NRG1: variants seen among roughly 807,000 people sequenced by gnomAD.
NRG1 encodes pro-neuregulin-1, membrane-bound isoform.
In NRG1, 18 loss-of-function variants were observed where a neutral mutation model predicts 63.8. The ratio of observed to expected loss-of-function variants is 0.28; its 90% CI spans 0.19 to 0.42. The LOEUF is 0.42. Among genes scored for constraint, NRG1 ranks in the 10% least tolerant of loss-of-function variants. The probability of loss-of-function intolerance (pLI) is 1.00; values close to 1 mark genes in which losing one functional copy is unlikely to be tolerated. For synonymous variants in NRG1, 302 were observed against 301.3 expected, an observed-to-expected ratio of 1.00 and a Z score of -0.02; for missense variants, 762 against 814.7, an observed-to-expected ratio of 0.94 and a Z score of 0.79.
At chr8:32,630,188 G>A (rs1452935720) in intron 5 of NRG1, among the ~76,000 whole-genome samples, 1 of 152,140 alleles carries the variant, frequency 6.6e-6, no homozygotes, top group Non-Finnish European at 1.5e-5. Context: ...TATGCTACTA[G>A]TCTAAAGGGC....
intron 1 of NRG1, among the ~76,000 whole-genome samples, chr8:31,899,736 G>A (rs919687737): frequency 1.3e-5 from 2 of 151,990 alleles, no homozygotes; most frequent in African/African-American, 4.8e-5. Flanking sequence ...ATGAATAATG[G>A]CCATCATAAT....
chr8:32,493,158 G>A (rs1402129786), intron 1 of NRG1, among the ~76,000 whole-genome samples: 1 of 152,030 alleles, frequency 6.6e-6, no homozygotes, highest in Non-Finnish European at 1.5e-5. Context: ...CCACAGAATT[G>A]GGAAGCTTCA....
At chr8:31,886,065 G>A (rs1484184930) in intron 1 of NRG1, among the ~76,000 whole-genome samples, 1 of 151,994 alleles carries the variant, frequency 6.6e-6, no homozygotes, top group Non-Finnish European at 1.5e-5. Context: ...AGTGAAGAGG[G>A]AACAATATTA....
rs544517070 is a variant in NRG1, at chr8:31,806,291, A to T, written c.37+166860A>T. Among the ~76,000 whole-genome samples, 11 of 152,310 alleles carry T rather than the reference A, an allele frequency of 7.2e-5. 1 individual carries two copies. The South Asian group carries it at 2.1e-3, about 29-fold the overall frequency. Reference sequence around the variant, plus strand: ...TTCTACAACAAGTGGAATGATTTACATGAATGTCAAATAACTGGTTTATAA... The same window carrying T: ...TTCTACAACAAGTGGAATGATTTACTTGAATGTCAAATAACTGGTTTATAA... On this transcript the variant is annotated intron_variant, in intron 1 of 10. Transcript: ENST00000519301.
At chr8:32,034,471 A>G (rs1007465234) in intron 1 of NRG1, among the ~76,000 whole-genome samples, 2 of 152,158 alleles carry the variant, frequency 1.3e-5, no homozygotes, top group African/African-American at 4.8e-5. Flanking sequence ...TCATGAAATG[A>G]GTTAGGGAGG....
At chr8:32,311,702 C>T (rs1856818498) in intron 1 of NRG1, among the ~76,000 whole-genome samples, 1 of 152,166 alleles carries the variant, frequency 6.6e-6, no homozygotes, top group African/African-American at 2.4e-5. Flanking sequence ...CAAGGCTCTG[C>T]ATGCTGAATA....
At chr8:32,075,604 T>C (rs1434440345) in intron 1 of NRG1, among the ~76,000 whole-genome samples, 2 of 152,198 alleles carry the variant, frequency 1.3e-5, no homozygotes, top group African/African-American at 4.8e-5. Context: ...TGTAAATAGT[T>C]GCCATACTGC....
At chr8:32,384,266 T>C (rs898153140) in intron 1 of NRG1, among the ~76,000 whole-genome samples, 2 of 151,972 alleles carry the variant, frequency 1.3e-5, no homozygotes, top group African/African-American at 4.8e-5. Context: ...AATAAATAAA[T>C]AAACAAACTG....
At chr8:32,620,402 G>T (rs1354010676) in intron 5 of NRG1, among the ~76,000 whole-genome samples, 1 of 151,912 alleles carries the variant, frequency 6.6e-6, no homozygotes, top group Non-Finnish European at 1.5e-5. Flanking sequence ...CTGCGATTTG[G>T]GGGTCAGTGT....
intron 1 of NRG1, among the ~76,000 whole-genome samples, chr8:32,354,557 C>G (rs1162387920): frequency 6.6e-6 from 1 of 151,748 alleles, no homozygotes; most frequent in Non-Finnish European, 1.5e-5. Flanking sequence ...TGATGGCTTA[C>G]CAGGTATCTA....
rs370441143 is a variant in NRG1 at position 31,737,910 on chromosome 8, G to T, written c.37+98479G>T. 5.3e-5 allele frequency among the ~76,000 whole-genome samples: 8 copies of T among 152,126 alleles called. No homozygotes were observed. The East Asian group carries it at 1.2e-3, about 22-fold the overall frequency. On this transcript the variant is annotated intron_variant, in intron 1 of 10. Transcript: ENST00000519301. ...TAGAGATTCTGAGTCATCTAGTAAAGAATTCTGTTTAATTTTTTTATAGCT... is the reference window on the plus strand; with the variant it reads ...TAGAGATTCTGAGTCATCTAGTAAATAATTCTGTTTAATTTTTTTATAGCT...
intron 1 of NRG1, among the ~76,000 whole-genome samples, chr8:32,230,350 A>C (rs887097347): frequency 6.6e-6 from 1 of 152,216 alleles, no homozygotes; most frequent in African/African-American, 2.4e-5. Flanking sequence ...TTGCTAAAGT[A>C]AGATGGCTGT....
intron 1 of NRG1, among the ~76,000 whole-genome samples, chr8:32,431,300 C>G (rs1396114280): frequency 6.6e-6 from 1 of 152,178 alleles, no homozygotes; most frequent in Non-Finnish European, 1.5e-5. Flanking sequence ...CTAGGCAGTG[C>G]TTACTCTAGC....
chr8:31,974,618 T>C (rs1807857716), intron 1 of NRG1, among the ~76,000 whole-genome samples: 1 of 152,134 alleles, frequency 6.6e-6, no homozygotes, highest in Non-Finnish European at 1.5e-5. Context: ...TGGTAGGCCT[T>C]CAATAAAGGG....
intron 1 of NRG1, among the ~76,000 whole-genome samples, chr8:32,292,093 G>C (rs1854272920): frequency 1.3e-5 from 2 of 152,120 alleles, no homozygotes; most frequent in Non-Finnish European, 2.9e-5. Context: ...AAGAAGACCA[G>C]AGTAGGAACA....
intron 1 of NRG1, among the ~76,000 whole-genome samples, chr8:32,059,217 A>T (rs762429995): frequency 6.6e-6 from 1 of 151,930 alleles, no homozygotes; most frequent in Non-Finnish European, 1.5e-5. Context: ...TTCCTGCATC[A>T]TATCTTCATA....
intron 6 of NRG1, among the ~76,000 whole-genome samples, chr8:32,732,147 G>T (rs1436200921): frequency 6.6e-6 from 1 of 152,188 alleles, no homozygotes; most frequent in African/African-American, 2.4e-5. Context: ...TTCAGTGGTA[G>T]TTCTCATCTT....
chr8:31,866,972 T>A (rs1481393360), intron 1 of NRG1, among the ~76,000 whole-genome samples: 1 of 150,736 alleles, frequency 6.6e-6, no homozygotes, highest in Non-Finnish European at 1.5e-5. Flanking sequence ...TAGGGATTTT[T>A]AAAATAGATA....
At chr8:32,413,227 T>C (rs1815364198) in intron 1 of NRG1, among the ~76,000 whole-genome samples, 1 of 152,214 alleles carries the variant, frequency 6.6e-6, no homozygotes, top group Non-Finnish European at 1.5e-5. Flanking sequence ...TAAACAATAA[T>C]AGGCGATTGG....
Sources: allele counts gnomAD v4.1 joint callset (sites outside exome capture counted in the v4.1 genomes callset), GRCh38; gene constraint gnomAD v4.1.1; transcripts MANE v1.5; gene names NCBI Gene and HGNC (gene_info 2026-07-23, HGNC 2026-07-21).